KLRG1: variants seen among roughly 807,000 people sequenced by gnomAD.
KLRG1 encodes killer cell lectin like receptor G1.
KLRG1 carries 16 observed loss-of-function variants against 21.8 expected under a neutral mutation model. That is an observed-to-expected ratio of 0.73 (90% CI 0.50 to 1.11). The LOEUF is 1.11. Ranked by LOEUF, KLRG1 falls within the 50% of genes most tolerant of loss-of-function variation. The probability of loss-of-function intolerance (pLI) is 0.00; values close to 1 mark genes in which losing one functional copy is unlikely to be tolerated. For missense variants in KLRG1, 173 were observed against 218.3 expected (o/e 0.79, Z 1.31); for synonymous variants, 69 against 75.9 (o/e 0.91, Z 0.47).
At chr12:9,024,015 T>C in the KLRG1 span, among the ~76,000 whole-genome samples, 1 of 135,102 alleles carries the variant, frequency 7.4e-6, no homozygotes, top group Non-Finnish European at 1.5e-5. Flanking sequence ...CGTGAACACA[T>C]GGATTTTTTT....
chr12:8,975,873 A>C (rs1430124755), intron 1 of KLRG1, among the ~76,000 whole-genome samples: 4 of 151,926 alleles, frequency 2.6e-5, no homozygotes, highest in Non-Finnish European at 5.9e-5. Context: ...TTTTTTTCTT[A>C]GACTAGCTAA....
chr12:9,060,842 G>T, the KLRG1 span, among the ~76,000 whole-genome samples: 2 of 152,092 alleles, frequency 1.3e-5, no homozygotes, highest in South Asian at 2.1e-4. Flanking sequence ...TTTTCGTCAC[G>T]TGAAGACTAT....
chr12:9,115,869 G>A, the KLRG1 span: 8 of 1,598,408 alleles, frequency 5.0e-6, no homozygotes, highest in Non-Finnish European at 6.9e-6. Flanking sequence ...AGAAGGAGCT[G>A]GAGGAGAACA....
chr12:9,106,413 C>G, the KLRG1 span: 1 of 1,436,020 alleles, frequency 7.0e-7, no homozygotes. Flanking sequence ...ATCACCTCCC[C>G]CCAACTTACA....
the KLRG1 span, chr12:9,072,659 G>A: frequency 3.1e-6 from 5 of 1,614,070 alleles, no homozygotes; most frequent in Non-Finnish European, 4.2e-6. Flanking sequence ...TCACCTGGAG[G>A]TAGACACATC....
chr12:8,956,129 T>C (rs1946288434), intron 1 of KLRG1, among the ~76,000 whole-genome samples: 2 of 152,140 alleles, frequency 1.3e-5, no homozygotes, highest in Admixed American at 6.5e-5. Flanking sequence ...TCATTCTTCT[T>C]GGACGCAGGA....
At chr12:9,213,884 A>G in the KLRG1 span, among the ~76,000 whole-genome samples, 1 of 152,064 alleles carries the variant, frequency 6.6e-6, no homozygotes, top group Admixed American at 6.5e-5. Flanking sequence ...CTGATGTCAT[A>G]TTTAATAAAT....
the KLRG1 span, among the ~76,000 whole-genome samples, chr12:9,174,333 G>A: frequency 1.3e-5 from 2 of 151,764 alleles, no homozygotes; most frequent in Admixed American, 1.3e-4. Context: ...TACCTCATAA[G>A]AGCCATATAT....
the KLRG1 span, among the ~76,000 whole-genome samples, chr12:9,146,985 G>A: frequency 6.6e-6 from 1 of 152,156 alleles, no homozygotes; most frequent in African/African-American, 2.4e-5. Context: ...CTAGCAAGGG[G>A]AAGGATTAAT....
the KLRG1 span, chr12:9,162,344 C>T: frequency 2.5e-6 from 1 of 395,828 alleles, no homozygotes; most frequent in Non-Finnish European, 4.5e-6. Flanking sequence ...CTGGGCTATC[C>T]AGGTAAAAGG....
the KLRG1 span, among the ~76,000 whole-genome samples, chr12:9,025,393 T>C: frequency 6.6e-6 from 1 of 152,164 alleles, no homozygotes; most frequent in Non-Finnish European, 1.5e-5. Flanking sequence ...TCTCAGCACT[T>C]TGGGAGGCCG....
the KLRG1 span, among the ~76,000 whole-genome samples, chr12:9,039,515 A>G: frequency 6.6e-6 from 1 of 152,124 alleles, no homozygotes; most frequent in East Asian, 1.9e-4. Flanking sequence ...CTTCTTCCTC[A>G]TGACACCACT....
At chr12:9,101,033 T>C in the KLRG1 span, 1 of 980,154 alleles carries the variant, frequency 1.0e-6, no homozygotes, top group East Asian at 2.6e-5. Context: ...AAACACCACC[T>C]GTTCCCCCAA....
At chr12:9,044,744 ACCT>A in the KLRG1 span, among the ~76,000 whole-genome samples, 1 of 151,944 alleles carries the variant, frequency 6.6e-6, no homozygotes, top group African/African-American at 2.4e-5. Context: ...GGGAAATGAG[ACCT>A]CCTTGTATAC....
At chr12:9,051,213 C>T in the KLRG1 span, among the ~76,000 whole-genome samples, 1 of 152,226 alleles carries the variant, frequency 6.6e-6, no homozygotes, top group Non-Finnish European at 1.5e-5. Flanking sequence ...GGAAGACCAG[C>T]TGCAGAAAGG....
At chr12:8,966,341 A>T (rs1261310134) in intron 1 of KLRG1, among the ~76,000 whole-genome samples, 1 of 152,102 alleles carries the variant, frequency 6.6e-6, no homozygotes, top group Non-Finnish European at 1.5e-5. Context: ...GACAAATGGG[A>T]TCTAATTAAA....
chr12:9,026,850 T>G, the KLRG1 span, among the ~76,000 whole-genome samples: 5 of 152,020 alleles, frequency 3.3e-5, no homozygotes, highest in African/African-American at 7.2e-5. Context: ...TTTAAAAAAA[T>G]CGTGTGTGTG....
the KLRG1 span, chr12:9,152,317 T>C: frequency 1.9e-6 from 3 of 1,604,564 alleles, no homozygotes; most frequent in South Asian, 3.3e-5. Flanking sequence ...GTAACTGTAG[T>C]GTCAAAGGAA....
the KLRG1 span, chr12:9,157,287 A>T: frequency 1.2e-6 from 2 of 1,614,094 alleles, no homozygotes; most frequent in East Asian, 4.5e-5. Flanking sequence ...CATGGCTCCC[A>T]TGGGTCCCCT....
Sources: gnomAD v4.1 joint callset for allele counts (sites outside exome capture counted in the v4.1 genomes callset) on GRCh38, gnomAD v4.1.1 for gene constraint, MANE v1.5 for transcripts, NCBI Gene and HGNC (gene_info 2026-07-23, HGNC 2026-07-21) for gene names.